Variants in MROH9 observed in about 807,000 individuals in gnomAD.
MROH9 encodes maestro heat like repeat family member 9.
A neutral mutation model predicts 98.2 loss-of-function variants in MROH9; 92 were observed. The ratio of observed to expected loss-of-function variants is 0.94; its 90% confidence interval spans 0.79 to 1.11. The LOEUF is 1.11. Among genes scored for constraint, MROH9 ranks in the 50% most tolerant of loss-of-function variants. The pLI, the probability that MROH9 is intolerant of heterozygous loss-of-function variation, is 0.00. For missense variants in MROH9, 1,057 were observed against 1,014.8 expected (o/e 1.04, Z -0.57); for synonymous variants, 397 against 368.9 (o/e 1.08, Z -0.87).
At chr1:170,950,959 TC>T (rs1649529634) in intron 3 of MROH9, among the ~76,000 whole-genome samples, 1 of 152,084 alleles carries the variant, frequency 6.6e-6, no homozygotes, top group South Asian at 2.1e-4. Flanking sequence ...GAATTGGTTT[TC>T]TTTGTCTCTA....
chr1:171,013,877 AC>A (rs1652241049), intron 15 of MROH9, among the ~76,000 whole-genome samples: 1 of 1,990 alleles, frequency 5.0e-4, no homozygotes, highest in South Asian at 0.036. Flanking sequence ...AAATACATAC[AC>A]ACACACACAC....
At chr1:171,027,838 A>G (rs1246257216) in intron 20 of MROH9, among the ~76,000 whole-genome samples, 1 of 152,138 alleles carries the variant, frequency 6.6e-6, no homozygotes, top group Non-Finnish European at 1.5e-5. Flanking sequence ...GCTTGTTGGC[A>G]TGTAAATGTC....
intron 13 of MROH9, among the ~76,000 whole-genome samples, 181 bp from the exon 14 acceptor site, chr1:170,996,326 C>A (rs1182876700): frequency 6.6e-6 from 1 of 152,094 alleles, no homozygotes; most frequent in Non-Finnish European, 1.5e-5. Flanking sequence ...TAATTTAACC[C>A]CTATCCCATG....
intron 15 of MROH9, among the ~76,000 whole-genome samples, chr1:171,004,366 C>T (rs1187691602): frequency 6.6e-6 from 1 of 152,112 alleles, no homozygotes; most frequent in East Asian, 1.9e-4. Context: ...CTGATGGATC[C>T]CTGTGGTGCC....
chr1:170,956,500 T>A (rs1407133494), intron 3 of MROH9, among the ~76,000 whole-genome samples: 1 of 152,038 alleles, frequency 6.6e-6, no homozygotes, highest in Non-Finnish European at 1.5e-5. Flanking sequence ...TTCAGCAGTG[T>A]TTTGCAGTTT....
At position 171,006,202 on chromosome 1, in the gene MROH9, T is replaced by C. The variant is rs191997316; in HGVS notation, c.1597-7915T>C. On this transcript the variant is annotated intron_variant, in intron 15 of 21. Transcript: ENST00000367759. ...AAGGACAGCTTTGTCAGGTATAGTA[T>C]TCTTGGTTGTCAGGTTTTTTTTCTT... is the stretch of plus-strand genomic sequence containing the variant. Among the ~76,000 whole-genome samples the C allele has an allele frequency of 1.1e-3, 159 of 150,762 alleles. 1 individual carries two copies. Among genetic ancestry groups the C allele is most frequent in the African/African-American group, 3.7e-3 (151 of 40,770 alleles).
chr1:171,054,600 G>A (rs1377804511), intron 20 of MROH9, among the ~76,000 whole-genome samples: 1 of 152,072 alleles, frequency 6.6e-6, no homozygotes, highest in East Asian at 1.9e-4. Flanking sequence ...ACCACAGAGT[G>A]GGAGAAAATC....
chr1:170,943,237 A>G (rs567555920), intron 1 of MROH9, among the ~76,000 whole-genome samples: 4 of 152,222 alleles, frequency 2.6e-5, no homozygotes, highest in African/African-American at 9.6e-5. Flanking sequence ...AAGTAGATAT[A>G]TAAGAATTTA....
At chr1:171,040,436 G>T (rs567520544) in intron 20 of MROH9, among the ~76,000 whole-genome samples, 2 of 152,156 alleles carry the variant, frequency 1.3e-5, no homozygotes, top group Admixed American at 6.5e-5. Context: ...CACAAAAAGG[G>T]TAACTATGTG....
intron 15 of MROH9, among the ~76,000 whole-genome samples, chr1:171,009,923 C>T (rs543360827): frequency 1.3e-5 from 2 of 152,278 alleles, no homozygotes; most frequent in Admixed American, 1.3e-4. Context: ...TGAATAGTAA[C>T]TAAATAATTG....
intron 15 of MROH9, chr1:170,998,927 A>G: frequency 5.0e-6 from 1 of 198,574 alleles, no homozygotes; most frequent in East Asian, 1.9e-4. Context: ...ACGGTTAATA[A>G]ATTATGAAAA....
rs1056301444 is a variant in MROH9 at position 171,024,435 on chromosome 1, G to T, written c.1949G>T (p.Gly650Val). The T allele has an allele frequency of 2.0e-5, 31 of 1,551,248 alleles. No homozygotes were observed. The highest frequency in any genetic ancestry group is 2.6e-5 in the Non-Finnish European group (30 of 1,146,852). ...CGAAGTATGGCAATTCGACACTTTG[G>T]TCAATTAGTTAGGGATATGAGACAG... ...GIRSMAIRHF[G>V]QLVRDMRQYT... is the part of the protein sequence containing the mutation. Residue 650 changes from glycine (G) to valine (V), a missense_variant, in exon 18 of 22, where the codon GGT becomes GTT. Gly to Val is a moderately radical substitution (Grantham distance 109, BLOSUM62 -3). Coordinates refer to ENST00000367759, the MANE Select transcript of MROH9 (RefSeq NM_001163629.2).
intron 7 of MROH9, among the ~76,000 whole-genome samples, chr1:170,970,389 G>GA (rs376405516): frequency 0.16 from 23,383 of 144,774 alleles, 2,292 homozygotes; most frequent in African/African-American, 0.29. Flanking sequence ...CATCGAGTGG[G>GA]AAAAAAAAAA....
intron 20 of MROH9, among the ~76,000 whole-genome samples, chr1:171,054,736 A>G (rs1653775381): frequency 6.6e-6 from 1 of 152,246 alleles, no homozygotes; most frequent in African/African-American, 2.4e-5. Context: ...CAAATGGCCA[A>G]CAAACCTATG....
At chr1:170,993,542 G>A (rs1446484901) in intron 12 of MROH9, among the ~76,000 whole-genome samples, 1 of 152,158 alleles carries the variant, frequency 6.6e-6, no homozygotes, top group Non-Finnish European at 1.5e-5. Flanking sequence ...ATGAGTGCAT[G>A]TGAAATAGAT....
At chr1:170,987,453 T>A (rs182197520) in intron 10 of MROH9, among the ~76,000 whole-genome samples, 1 of 152,312 alleles carries the variant, frequency 6.6e-6, no homozygotes, top group East Asian at 1.9e-4. Context: ...ATAATGTCAT[T>A]AAATGTGTAA....
At position 171,037,492 on chromosome 1, in the gene MROH9, A is replaced by AG. The variant is rs545716234; in HGVS notation, c.2281+12074dup. Among the ~76,000 whole-genome samples the AG allele has an allele frequency of 1.8e-3, 279 of 152,190 alleles. 2 individuals are homozygous for AG. Among genetic ancestry groups the AG allele is most frequent in the Non-Finnish European group, 2.9e-3 (198 of 67,906 alleles). ...AATAGAAAGGTATAAACCCTATTTT[A>AG]GGAAAAAAAAGAATAAAAATTTTAA... On this transcript the variant is annotated intron_variant, in intron 20 of 21. Coordinates refer to ENST00000367759, the MANE Select transcript of MROH9 (RefSeq NM_001163629.2).
chr1:170,994,640 ATAT>A (rs969379077), intron 12 of MROH9, among the ~76,000 whole-genome samples: 1 of 152,096 alleles, frequency 6.6e-6, no homozygotes, highest in Non-Finnish European at 1.5e-5. Flanking sequence ...ATTTAAAAAT[ATAT>A]TATTATTGAC....
chr1:171,016,970 A>C (rs1652347745), intron 17 of MROH9, among the ~76,000 whole-genome samples: 1 of 152,220 alleles, frequency 6.6e-6, no homozygotes, highest in Non-Finnish European at 1.5e-5. Flanking sequence ...TAAACCAGAG[A>C]ATTATTTCAC....
Sources: allele counts gnomAD v4.1 joint callset (sites outside exome capture counted in the v4.1 genomes callset), GRCh38; gene constraint gnomAD v4.1.1; transcripts MANE v1.5; gene names NCBI Gene and HGNC (gene_info 2026-07-23, HGNC 2026-07-21).